Variants in KALRN observed in about 807,000 individuals in gnomAD.
KALRN encodes kalirin.
A neutral mutation model predicts 353.7 loss-of-function variants in KALRN; 70 were observed. That is an observed-to-expected ratio of 0.20 (90% CI 0.16 to 0.24). KALRN has a LOEUF of 0.24. Among genes scored for constraint, KALRN ranks in the 10% least tolerant of loss-of-function variants. The pLI, the probability that KALRN is intolerant of heterozygous loss-of-function variation, is 1.00. For missense variants in KALRN, 2,791 were observed against 3,756.7 expected, an observed-to-expected ratio of 0.74 and a Z score of 6.72; for synonymous variants, 1,391 against 1,434.8, an observed-to-expected ratio of 0.97 and a Z score of 0.69.
chr3:124,158,263 A>T (rs1384408815), intron 1 of KALRN, among the ~76,000 whole-genome samples: 1 of 152,200 alleles, frequency 6.6e-6, no homozygotes, highest in Non-Finnish European at 1.5e-5. Flanking sequence ...CCTGGTGACT[A>T]GAAGGACCTA....
chr3:124,158,000 G>C (rs1389391391), intron 1 of KALRN, among the ~76,000 whole-genome samples: 2 of 152,308 alleles, frequency 1.3e-5, no homozygotes, highest in Admixed American at 1.3e-4. Context: ...ATCAGAGTCA[G>C]CTCTTCTTCT....
intron 34 of KALRN, among the ~76,000 whole-genome samples, chr3:124,623,399 T>TACACACACACACTCACAC (rs2079532217): frequency 7.3e-6 from 1 of 136,444 alleles, no homozygotes; most frequent in African/African-American, 2.7e-5. Context: ...TATTTATTTA[T>TACACACACACACTCACAC]ACACACACAC....
At chr3:124,549,642 AAT>A (rs2070219333) in intron 33 of KALRN, among the ~76,000 whole-genome samples, 1 of 152,142 alleles carries the variant, frequency 6.6e-6, no homozygotes, top group African/African-American at 2.4e-5. Flanking sequence ...AGCCATCCAA[AAT>A]ATGTCCTTCT....
At chr3:124,084,954 C>T (rs1332431834) in intron 1 of KALRN, among the ~76,000 whole-genome samples, 1 of 152,176 alleles carries the variant, frequency 6.6e-6, no homozygotes, top group East Asian at 1.9e-4. Flanking sequence ...CCTTCCCCTC[C>T]CTCAGACACC....
At chr3:124,584,652 G>A in intron 34 of KALRN, 3 of 1,412,064 alleles carry the variant, frequency 2.1e-6, no homozygotes, top group South Asian at 1.5e-5. Context: ...CGCTTCCCAA[G>A]GTGGCAGTGG....
intron 5 of KALRN, among the ~76,000 whole-genome samples, chr3:124,286,089 T>TTCTTTCTTTCTTTCTTTC (rs1443499833): frequency 7.4e-5 from 10 of 135,912 alleles, no homozygotes; most frequent in African/African-American, 2.6e-4. Flanking sequence ...CTTCCTTTCT[T>TTCTTTCTTTCTTTCTTTC]TCTTTCTTTC....
chr3:124,255,493 T>C (rs1268945000), intron 3 of KALRN, among the ~76,000 whole-genome samples: 2 of 152,236 alleles, frequency 1.3e-5, no homozygotes, highest in African/African-American at 4.8e-5. Flanking sequence ...AAATGTATGT[T>C]GCATGAATAA....
intron 59 of KALRN, 41 bp downstream of exon 59, chr3:124,717,426 C>T: frequency 6.7e-7 from 1 of 1,490,172 alleles, no homozygotes; most frequent in Non-Finnish European, 9.0e-7. Flanking sequence ...GTGGCTCACG[C>T]CTGAAATCCC....
At chr3:124,682,154 TGAG>T (rs769537742) in intron 51 of KALRN, among the ~76,000 whole-genome samples, 34 of 152,342 alleles carry the variant, frequency 2.2e-4, no homozygotes, top group Non-Finnish European at 5.0e-4. Context: ...AAGAAAATGA[TGAG>T]GAGTGCATAC....
At position 124,705,822 on chromosome 3, in the gene KALRN, C is replaced by CCCTTCCTTCCTTCCTTCCTT. The variant is rs373858046; in HGVS notation, c.8075+3717_8075+3736dup. 1.7e-3 allele frequency among the ~76,000 whole-genome samples: 253 copies of CCCTTCCTTCCTTCCTTCCTT among 144,748 alleles called. 4 individuals are homozygous for CCCTTCCTTCCTTCCTTCCTT. Among genetic ancestry groups the CCCTTCCTTCCTTCCTTCCTT allele is most frequent in the African/African-American group, 6.3e-3 (237 of 37,672 alleles). The allele number at this position is 144,748 out of a possible 152,430, so 95.0% of individuals were successfully genotyped here. A position where few individuals can be genotyped will look rare whatever the true frequency, so the allele number is the denominator to read the frequency against. On this transcript the variant is annotated intron_variant, in intron 57 of 59. Transcript: ENST00000682506. ...TCCCTCCCTTCCTTCCTTCCTTCCT[C>CCCTTCCTTCCTTCCTTCCTT]CCTTCCTTCCTTCCTTCCTTCCTTC... is the stretch of plus-strand genomic sequence containing the variant.
At chr3:124,537,340 C>G (rs1211374829) in intron 33 of KALRN, among the ~76,000 whole-genome samples, 1 of 152,120 alleles carries the variant, frequency 6.6e-6, no homozygotes, top group Non-Finnish European at 1.5e-5. Context: ...CCATGCCTGG[C>G]CAAGAGAAAT....
intron 33 of KALRN, among the ~76,000 whole-genome samples, chr3:124,523,928 C>G (rs1435715224): frequency 3.9e-5 from 6 of 152,248 alleles, no homozygotes; most frequent in Non-Finnish European, 8.8e-5. Flanking sequence ...AATCTGCTCT[C>G]ATCTGTCACC....
chr3:124,088,736 G>C (rs1351690135), intron 1 of KALRN, among the ~76,000 whole-genome samples: 1 of 152,112 alleles, frequency 6.6e-6, no homozygotes, highest in Non-Finnish European at 1.5e-5. Context: ...TACCTCGAAG[G>C]CTTGCAAATT....
intron 51 of KALRN, among the ~76,000 whole-genome samples, chr3:124,685,328 A>G (rs913342273): frequency 6.6e-6 from 1 of 151,808 alleles, no homozygotes; most frequent in African/African-American, 2.4e-5. Context: ...TCCTGGGAGA[A>G]TTTTAAGAAG....
intron 33 of KALRN, among the ~76,000 whole-genome samples, chr3:124,499,761 T>G (rs1477222857): frequency 6.6e-6 from 1 of 152,252 alleles, no homozygotes; most frequent in Non-Finnish European, 1.5e-5. Flanking sequence ...CCGTCACGTA[T>G]TAATTTTAAT....
At chr3:124,274,414 C>A (rs1038418982) in intron 5 of KALRN, among the ~76,000 whole-genome samples, 1 of 152,252 alleles carries the variant, frequency 6.6e-6, no homozygotes, top group Non-Finnish European at 1.5e-5. Context: ...CATAACTAGA[C>A]TTAACTGATT....
chr3:124,428,601 G>A (rs2093134172), intron 15 of KALRN, among the ~76,000 whole-genome samples: 1 of 152,170 alleles, frequency 6.6e-6, no homozygotes, highest in Non-Finnish European at 1.5e-5. Context: ...CCACCCTGGA[G>A]CTAAGCCATA....
chr3:124,341,502 T>C (rs993191880), intron 9 of KALRN, among the ~76,000 whole-genome samples: 1 of 152,206 alleles, frequency 6.6e-6, no homozygotes, highest in Non-Finnish European at 1.5e-5. Context: ...AAACCCATAC[T>C]CTTTACATCC....
At chr3:124,320,641 G>C (rs774021230) in intron 6 of KALRN, among the ~76,000 whole-genome samples, 1 of 152,184 alleles carries the variant, frequency 6.6e-6, no homozygotes, top group South Asian at 2.1e-4. Flanking sequence ...ATGCCAAGGT[G>C]GTTGAGGCAC....
Sources: gnomAD v4.1 joint callset for allele counts (sites outside exome capture counted in the v4.1 genomes callset) on GRCh38, gnomAD v4.1.1 for gene constraint, MANE v1.5 for transcripts, NCBI Gene and HGNC (gene_info 2026-07-23, HGNC 2026-07-21) for gene names.